PPM1L: variants seen among roughly 807,000 people sequenced by gnomAD.
PPM1L encodes protein phosphatase, Mg2+/Mn2+ dependent 1L, also known as protein phosphatase 1L.
In PPM1L, 13 loss-of-function variants were observed where a neutral mutation model predicts 31.4. The ratio of observed to expected loss-of-function variants is 0.41; its 90% CI spans 0.27 to 0.66. The LOEUF (loss-of-function observed/expected upper bound fraction) is 0.66, where lower values mean the gene tolerates loss of function less well. Among genes scored for constraint, PPM1L ranks in the 30% least tolerant of loss-of-function variants. The pLI is 0.29. For missense variants in PPM1L, 326 were observed against 453.7 expected, an observed-to-expected ratio of 0.72 and a Z score of 2.56; for synonymous variants, 184 against 175.4, an observed-to-expected ratio of 1.05 and a Z score of -0.39.
At chr3:161,029,295 T>G (rs1014062071) in intron 2 of PPM1L, among the ~76,000 whole-genome samples, 3 of 152,148 alleles carry the variant, frequency 2.0e-5, no homozygotes, top group Non-Finnish European at 4.4e-5. Context: ...TGAAGTTGAG[T>G]TTTACAGTGC....
At chr3:160,786,147 C>CTGTG (rs1560106654) in intron 1 of PPM1L, among the ~76,000 whole-genome samples, 5 of 91,158 alleles carry the variant, frequency 5.5e-5, no homozygotes, top group African/African-American at 3.3e-4. Flanking sequence ...CTCTCTCTCT[C>CTGTG]TCTCTCTCTC....
rs1719957382 is a variant in PPM1L at position 161,072,459 on chromosome 3, T to C, written c.*3302T>C. 1 of 152,244 alleles carries C rather than the reference T, an allele frequency of 6.6e-6. No homozygotes were observed. The highest frequency in any genetic ancestry group is 1.5e-5 in the Non-Finnish European group (1 of 68,050). 9.4% of individuals were successfully genotyped at this position (152,244 alleles called of 1,614,324 possible). A position where few individuals can be genotyped will look rare whatever the true frequency, so the allele number is the denominator to read the frequency against. On this transcript the variant is annotated 3_prime_UTR_variant, in exon 4 of 4. Transcript: ENST00000498165. ...GCTGGATAATTTAAAACAGACCTTA[T>C]TTCATACAAGTGTAATTATTACATC...
At chr3:160,929,924 CAT>C (rs1213305871) in intron 1 of PPM1L, among the ~76,000 whole-genome samples, 1 of 152,196 alleles carries the variant, frequency 6.6e-6, no homozygotes, top group Non-Finnish European at 1.5e-5. Flanking sequence ...GAGTCACACA[CAT>C]ATCCCCTCCA....
At chr3:160,772,226 C>G (rs1715276955) in intron 1 of PPM1L, among the ~76,000 whole-genome samples, 1 of 152,164 alleles carries the variant, frequency 6.6e-6, no homozygotes, top group South Asian at 2.1e-4. Context: ...TGATCTGATT[C>G]ATGAAACTAC....
intron 2 of PPM1L, among the ~76,000 whole-genome samples, chr3:161,042,727 G>T (rs746068474): frequency 1.3e-5 from 2 of 152,134 alleles, no homozygotes; most frequent in Non-Finnish European, 2.9e-5. Flanking sequence ...TAAAAACATT[G>T]TGGGTTTTTT....
chr3:160,910,903 A>C (rs1486219977), intron 1 of PPM1L, among the ~76,000 whole-genome samples: 3 of 152,176 alleles, frequency 2.0e-5, no homozygotes, highest in Non-Finnish European at 4.4e-5. Flanking sequence ...GAAATCCAAG[A>C]TATTTCTTGA....
intron 1 of PPM1L, among the ~76,000 whole-genome samples, chr3:160,915,675 G>C (rs1714144976): frequency 6.6e-6 from 1 of 152,200 alleles, no homozygotes; most frequent in Non-Finnish European, 1.5e-5. Context: ...CAAGGCTACA[G>C]TAACCAAACA....
At chr3:161,008,318 A>G (rs1717781491) in intron 2 of PPM1L, among the ~76,000 whole-genome samples, 1 of 152,230 alleles carries the variant, frequency 6.6e-6, no homozygotes, top group Non-Finnish European at 1.5e-5. Flanking sequence ...ATCTGAACAG[A>G]CAAGCCTTGC....
At chr3:161,063,285 C>T (rs1401057913) in intron 2 of PPM1L, among the ~76,000 whole-genome samples, 1 of 151,860 alleles carries the variant, frequency 6.6e-6, no homozygotes, top group Admixed American at 6.6e-5. Context: ...AATTTTCATT[C>T]TTATAGCTTT....
intron 2 of PPM1L, among the ~76,000 whole-genome samples, chr3:161,032,691 C>T (rs1159142772): frequency 9.2e-6 from 1 of 108,664 alleles, no homozygotes. Flanking sequence ...ACAGAGAAGT[C>T]CTTTTTTTTT....
chr3:160,791,662 G>C (rs1712108071), intron 1 of PPM1L, among the ~76,000 whole-genome samples: 1 of 152,082 alleles, frequency 6.6e-6, no homozygotes, highest in African/African-American at 2.4e-5. Flanking sequence ...AGAATAAAAA[G>C]CAGATTAAAC....
At chr3:160,818,882 T>A (rs1303712034) in intron 1 of PPM1L, among the ~76,000 whole-genome samples, 4 of 151,988 alleles carry the variant, frequency 2.6e-5, no homozygotes, top group African/African-American at 9.7e-5. Flanking sequence ...CTTGACTTTT[T>A]AAAAAATTTA....
At position 161,069,017 on chromosome 3, in the gene PPM1L, C is replaced by T. The variant is rs765784397; in HGVS notation, c.943C>T (p.Arg315Ter). The part of the protein sequence containing the change: ...WDAFSNEEAV[R>*]FIKERLDEPH... Reference sequence around the variant, plus strand: ...TGCTTTCAGCAATGAAGAAGCAGTTCGATTCATCAAGGAGCGCTTGGATGA... The same window carrying T: ...TGCTTTCAGCAATGAAGAAGCAGTTTGATTCATCAAGGAGCGCTTGGATGA... The change falls in exon 4 of 4, where the codon CGA (arginine) becomes TGA (stop). Residue 315 changes from arginine to a stop codon, truncating the protein, a stop_gained. Transcript: ENST00000498165. LOFTEE classifies it high-confidence loss of function. 3 of 1,614,110 alleles carry T rather than the reference C, an allele frequency of 1.9e-6. No homozygotes were observed. Among genetic ancestry groups the T allele is most frequent in the East Asian group, 2.2e-5 (1 of 44,872 alleles).
At chr3:161,005,569 G>C (rs79996246) in intron 2 of PPM1L, among the ~76,000 whole-genome samples, 1 of 152,082 alleles carries the variant, frequency 6.6e-6, no homozygotes, top group African/African-American at 2.4e-5. Context: ...CCTTGCCTGC[G>C]TTTAAATTCT....
rs200843788 is a variant in PPM1L at position 160,944,948 on chromosome 3, ATATATAAC to A, written c.400-16779_400-16772del. Among the ~76,000 whole-genome samples, 144 of 57,272 alleles carry A rather than the reference ATATATAAC, an allele frequency of 2.5e-3. 13 individuals are homozygous for A. The highest frequency in any genetic ancestry group is 6.5e-3 in the East Asian group (22 of 3,394). The allele number at this position is 57,272 out of a possible 152,430, so 37.6% of individuals were successfully genotyped here. A position where few individuals can be genotyped will look rare whatever the true frequency, so the allele number is the denominator to read the frequency against. The stretch of plus-strand genomic sequence containing the variant: ...GGAGATATATATATTATATATAACT[ATATATAAC>A]TATATAACATATATTATATATAACT... On this transcript the variant is annotated intron_variant, in intron 1 of 3. Transcript: ENST00000498165.
At chr3:160,879,023 G>C (rs1483782035) in intron 1 of PPM1L, among the ~76,000 whole-genome samples, 1 of 152,170 alleles carries the variant, frequency 6.6e-6, no homozygotes, top group East Asian at 1.9e-4. Flanking sequence ...TTTGCTTGAG[G>C]ATAGTGAGGA....
intron 2 of PPM1L, among the ~76,000 whole-genome samples, chr3:160,970,809 T>TTTTTTTTG (rs1716310521): frequency 6.9e-6 from 1 of 144,864 alleles, no homozygotes; most frequent in Non-Finnish European, 1.5e-5. Flanking sequence ...TTTTTTTTTT[T>TTTTTTTTG]GAGACGGAGT....
chr3:161,048,277 A>T (rs896610256), intron 2 of PPM1L, among the ~76,000 whole-genome samples: 3 of 152,378 alleles, frequency 2.0e-5, no homozygotes, highest in East Asian at 1.9e-4. Flanking sequence ...AAAGATATGA[A>T]CAGACACTTC....
At chr3:160,757,382 C>G (rs1433650240) in intron 1 of PPM1L, among the ~76,000 whole-genome samples, 1 of 152,252 alleles carries the variant, frequency 6.6e-6, no homozygotes, top group Non-Finnish European at 1.5e-5. Context: ...TGGCTATGCC[C>G]GCAAAGGAGG....
Sources: allele counts gnomAD v4.1 joint callset (sites outside exome capture counted in the v4.1 genomes callset), GRCh38; gene constraint gnomAD v4.1.1; transcripts MANE v1.5; gene names NCBI Gene and HGNC (gene_info 2026-07-23, HGNC 2026-07-21).